SLC4A5: variants seen among roughly 807,000 people sequenced by gnomAD.
SLC4A5 encodes solute carrier family 4 member 5.
In SLC4A5, 96 loss-of-function variants were observed where a neutral mutation model predicts 120.4. The ratio of observed to expected loss-of-function variants is 0.80; its 90% confidence interval spans 0.68 to 0.94. The LOEUF is 0.94. SLC4A5 is among the 40% of genes least tolerant of loss of function. The pLI is 0.00. For missense variants in SLC4A5, 1,259 were observed against 1,459.5 expected (o/e 0.86, Z 2.24); for synonymous variants, 550 against 571.1 (o/e 0.96, Z 0.53).
At chr2:74,246,004 G>A (rs1456219781) in intron 19 of SLC4A5, among the ~76,000 whole-genome samples, 2 of 152,188 alleles carry the variant, frequency 1.3e-5, no homozygotes, top group African/African-American at 4.8e-5. Context: ...TTTGCTCTCT[G>A]TGAGTCCAGC....
rs188330922 is a variant in SLC4A5 at position 74,296,768 on chromosome 2, C to T, written c.271+7721G>A. 5.6e-3 allele frequency among the ~76,000 whole-genome samples: 730 copies of T among 130,744 alleles called. 2 individuals carry two copies. Among genetic ancestry groups the T allele is most frequent in the Middle Eastern group, 0.026 (6 of 230 alleles). The allele number at this position is 130,744 out of a possible 152,430, so 85.8% of individuals were successfully genotyped here. ...TGCCACTGCCCTCCAGCTTGGGTGA[C>T]GGAGCAAGACTCTGTCTCAAAAAAA... is the stretch of plus-strand genomic sequence containing the variant. On this transcript the variant is annotated intron_variant, in intron 7 of 30. Transcript: ENST00000394019.
intron 14 of SLC4A5, 122 bp from the exon 15 acceptor site, chr2:74,253,250 C>G: frequency 8.2e-7 from 1 of 1,223,702 alleles, no homozygotes. Context: ...CCAACTCACT[C>G]TCAGTTTTTG....
At chr2:74,336,967 T>C (rs1330182958) in intron 3 of SLC4A5, among the ~76,000 whole-genome samples, 3 of 152,202 alleles carry the variant, frequency 2.0e-5, no homozygotes, top group Non-Finnish European at 4.4e-5. Flanking sequence ...AAGAGACTTC[T>C]GGCCTAGACC....
chr2:74,307,157 G>C, intron 6 of SLC4A5: 1 of 559,606 alleles, frequency 1.8e-6, no homozygotes, highest in Non-Finnish European at 3.3e-6. Context: ...CTCCAACCTT[G>C]GCAGACTGCA....
At chr2:74,224,540 G>A (rs762895636) in intron 28 of SLC4A5, among the ~76,000 whole-genome samples, 3 of 152,128 alleles carry the variant, frequency 2.0e-5, no homozygotes, top group Non-Finnish European at 4.4e-5. Flanking sequence ...CTTCCCACAG[G>A]AACCCGCTTG....
chr2:74,230,954 G>A (rs1243821498), intron 25 of SLC4A5, among the ~76,000 whole-genome samples: 1 of 152,066 alleles, frequency 6.6e-6, no homozygotes, highest in African/African-American at 2.4e-5. Flanking sequence ...TTACAGGCAC[G>A]TGCCACCATG....
intron 26 of SLC4A5, chr2:74,227,568 TA>T: frequency 6.2e-7 from 1 of 1,602,318 alleles, no homozygotes; most frequent in Non-Finnish European, 8.5e-7. Context: ...TCCCCATCTG[TA>T]AAATGGGGAT....
At chr2:74,321,518 T>C (rs1239145622) in intron 5 of SLC4A5, among the ~76,000 whole-genome samples, 1 of 152,156 alleles carries the variant, frequency 6.6e-6, no homozygotes, top group African/African-American at 2.4e-5. Flanking sequence ...ATATTTGGGA[T>C]ATACTTCTAC....
intron 8 of SLC4A5, among the ~76,000 whole-genome samples, chr2:74,282,860 C>G (rs1671857098): frequency 6.6e-6 from 1 of 152,218 alleles, no homozygotes; most frequent in Admixed American, 6.5e-5. Context: ...TGAGAAGGCC[C>G]TGCCCAGATT....
intron 6 of SLC4A5, among the ~76,000 whole-genome samples, chr2:74,310,784 C>G (rs13387282): frequency 0.039 from 5,968 of 152,138 alleles, 400 homozygotes; most frequent in African/African-American, 0.14. Flanking sequence ...GCCTTTATCT[C>G]ATTTTGTATT....
At chr2:74,227,564 T>C (rs1239629623) in intron 26 of SLC4A5, 1 of 1,609,598 alleles carries the variant, frequency 6.2e-7, no homozygotes, top group Non-Finnish European at 8.5e-7. Context: ...CCGGTCCCCA[T>C]CTGTAAAATG....
chr2:74,249,085 T>C (rs1573024943), intron 17 of SLC4A5, among the ~76,000 whole-genome samples: 2 of 152,094 alleles, frequency 1.3e-5, no homozygotes, highest in East Asian at 3.8e-4. Flanking sequence ...TTTAGTAGCA[T>C]CCACAGCCTC....
chr2:74,231,216 G>A lies in SLC4A5; in HGVS notation c.2847+20C>T. ...GCTTTCTCAGGCAACGAGGCCCTAG[G>A]TGACAGTGCAGGACCTCACCTTTAG... On this transcript the variant is annotated intron_variant, in intron 25 of 30. Coordinates refer to ENST00000394019, the Ensembl canonical transcript of SLC4A5. 1 of 1,600,052 alleles carries A rather than the reference G, an allele frequency of 6.2e-7. No individual in the cohort carries two copies. The highest frequency in any genetic ancestry group is 8.5e-7 in the Non-Finnish European group (1 of 1,172,026).
intron 22 of SLC4A5, among the ~76,000 whole-genome samples, chr2:74,234,249 G>A (rs1043313411): frequency 2.0e-5 from 3 of 150,416 alleles, no homozygotes; most frequent in Non-Finnish European, 2.9e-5. Flanking sequence ...CGTGATCTCC[G>A]CTCACTGCAA....
chr2:74,233,631 C>T lies in SLC4A5; in HGVS notation c.2434-68G>A, dbSNP rs1670173157. 4 of 1,491,942 alleles carry T rather than the reference C, an allele frequency of 2.7e-6. No individual in the cohort carries two copies. The Admixed American group carries it at 9.2e-5, about 34-fold the overall frequency. The allele number at this position is 1,491,942 out of a possible 1,614,324, so 92.4% of individuals were successfully genotyped here. On this transcript the variant is annotated intron_variant, in intron 22 of 30. Transcript: ENST00000394019. ...TGTCCCAGGGCACTTGTCGCCTGGC[C>T]TGCTGTCCCACCTCCTCAACTTTCC...
At chr2:74,253,113 C>A in exon 15 of SLC4A5, 1 of 1,614,070 alleles carries the variant, frequency 6.2e-7, no homozygotes, top group Non-Finnish European at 8.5e-7. Flanking sequence ...GCTTTGTAGG[C>A]CACGTCACTG....
chr2:74,238,001 C>T lies in SLC4A5; in HGVS notation c.2319+1334G>A, dbSNP rs954834885. 1.2e-3 allele frequency among the ~76,000 whole-genome samples: 189 copies of T among 152,112 alleles called. 2 individuals carry two copies. Among genetic ancestry groups the T allele is most frequent in the African/African-American group, 4.3e-3 (180 of 41,468 alleles). ...CCTGTAGTCCCAGCTATTTGGGAGG[C>T]TGAGGCAGGAGAATCACTTGAACCC... On this transcript the variant is annotated intron_variant, in intron 21 of 30. Coordinates refer to ENST00000394019, the Ensembl canonical transcript of SLC4A5.
intron 4 of SLC4A5, among the ~76,000 whole-genome samples, chr2:74,332,703 T>TTGTGTG (rs3834171): frequency 1.1e-3 from 169 of 148,294 alleles, no homozygotes; most frequent in African/African-American, 3.9e-3. Context: ...GGGTGTCCAT[T>TTGTGTG]TGTGTGTGTG....
intron 29 of SLC4A5, among the ~76,000 whole-genome samples, chr2:74,222,659 C>A (rs1694691309): frequency 6.6e-6 from 1 of 152,226 alleles, no homozygotes. Flanking sequence ...TGAGGTGGAA[C>A]AGTCTCATCC....
Sources: allele counts gnomAD v4.1 joint callset (sites outside exome capture counted in the v4.1 genomes callset), GRCh38; gene constraint gnomAD v4.1.1; transcripts MANE v1.5; gene names NCBI Gene and HGNC (gene_info 2026-07-23, HGNC 2026-07-21).